Variants in ZNF496 observed in about 807,000 individuals in gnomAD.
ZNF496 encodes zinc finger protein 496, also known as NSD1 (nuclear receptor binding SET-domain containing 1)-interacting zinc finger protein 1.
ZNF496 carries 11 observed loss-of-function variants against 58.9 expected under a neutral mutation model. That is an observed-to-expected ratio of 0.19 (90% CI 0.12 to 0.31). The LOEUF (loss-of-function observed/expected upper bound fraction) is 0.31, where lower values mean the gene tolerates loss of function less well. Among genes scored for constraint, ZNF496 ranks in the 10% least tolerant of loss-of-function variants. The pLI is 1.00. For missense variants in ZNF496, 660 were observed against 783.0 expected, an observed-to-expected ratio of 0.84 and a Z score of 1.88; for synonymous variants, 338 against 318.2, an observed-to-expected ratio of 1.06 and a Z score of -0.66.
At position 247,308,409 on chromosome 1, in the gene ZNF496, C is replaced by T; in HGVS notation, c.1006+66G>A. The T allele has an allele frequency of 7.2e-7, 1 of 1,394,726 alleles. No homozygotes were observed. The highest frequency in any genetic ancestry group is 1.0e-6 in the Non-Finnish European group (1 of 982,486). The allele number at this position is 1,394,726 out of a possible 1,614,324, so 86.4% of individuals were successfully genotyped here. A position where few individuals can be genotyped will look rare whatever the true frequency, so the allele number is the denominator to read the frequency against. Reference sequence around the variant, plus strand: ...CCATCCCCTATGCCACACATGCATACATACATTCATGCGACACACCACAGA... The same window carrying T: ...CCATCCCCTATGCCACACATGCATATATACATTCATGCGACACACCACAGA... On this transcript the variant is annotated intron_variant, in intron 9 of 9. Coordinates refer to ENST00000682384, the MANE Select transcript of ZNF496 (RefSeq NM_032752.3). The surrounding 1 kb of genome is among the most constrained non-coding windows in gnomAD (Gnocchi z 4.5).
intron 5 of ZNF496, among the ~76,000 whole-genome samples, chr1:247,327,354 G>A (rs1156731962): frequency 1.3e-5 from 2 of 152,162 alleles, no homozygotes; most frequent in Non-Finnish European, 2.9e-5. Flanking sequence ...GTGAGCCACC[G>A]CGCCCAACCC....
Position 247,300,244 on chromosome 1 carries a change from G to A in ZNF496, c.*275C>T. The A allele has an allele frequency of 2.9e-6, 1 of 346,232 alleles. No homozygotes were observed. The highest frequency in any genetic ancestry group is 2.1e-5 in the African/African-American group (1 of 48,350). 21.4% of individuals were successfully genotyped at this position (346,232 alleles called of 1,614,324 possible). A position where few individuals can be genotyped will look rare whatever the true frequency, so the allele number is the denominator to read the frequency against. On this transcript the variant is annotated 3_prime_UTR_variant, in exon 10 of 10. Transcript: ENST00000682384. The surrounding 1 kb of genome is among the most constrained non-coding windows in gnomAD (Gnocchi z 5.7). ...GGGAGCATGGGCCAAGGGTCTCTAA[G>A]ACGCAGAACACCTGGCATGTCCAAC...
rs190721546 is a variant in ZNF496 at position 247,316,641 on chromosome 1, A to G, written c.652-6185T>C. Among the ~76,000 whole-genome samples, 4 of 152,262 alleles carry G rather than the reference A, an allele frequency of 2.6e-5. No homozygotes were observed. The East Asian group carries it at 7.7e-4, about 29-fold the overall frequency. On this transcript the variant is annotated intron_variant, in intron 6 of 9. Coordinates refer to ENST00000682384, the MANE Select transcript of ZNF496 (RefSeq NM_032752.3). ...CAGCCTCCATAAATATGAGAAGTCA[A>G]TTATTTTTTTTATAAATTACAGTTT... is the stretch of plus-strand genomic sequence containing the variant.
In ZNF496 at chr1:247,307,101, G is replaced by A. The variant is rs184121555; in HGVS notation, c.1006+1374C>T. 7.8e-4 allele frequency: 765 copies of A among 985,360 alleles called. 5 individuals are homozygous for A. The African/African-American group carries it at 0.012, about 16-fold the overall frequency. The allele number at this position is 985,360 out of a possible 1,614,324, so 61.0% of individuals were successfully genotyped here. ...AGAAAAGATATTCCACCTCAGTGGCGGATGTAGTAGCATTATTTGATTGGC... is the reference window on the plus strand; with the variant it reads ...AGAAAAGATATTCCACCTCAGTGGCAGATGTAGTAGCATTATTTGATTGGC... On this transcript the variant is annotated intron_variant, in intron 9 of 9. Transcript: ENST00000682384.
At chr1:247,321,736 C>T (rs566689275) in intron 6 of ZNF496, among the ~76,000 whole-genome samples, 2 of 152,334 alleles carry the variant, frequency 1.3e-5, no homozygotes, top group African/African-American at 4.8e-5. Flanking sequence ...TCATTAGGTA[C>T]TGGATTAACA....
chr1:247,307,401 A>G (rs4925618), intron 9 of ZNF496: 117,681 of 985,356 alleles, frequency 0.12, 7,415 homozygotes, highest in Middle Eastern at 0.14. Context: ...ATGAACATCC[A>G]TCCATCTTCT....
intron 5 of ZNF496, among the ~76,000 whole-genome samples, chr1:247,324,685 T>C (rs1387867648): frequency 6.6e-6 from 1 of 152,176 alleles, no homozygotes; most frequent in African/African-American, 2.4e-5. Flanking sequence ...CATTTCACAA[T>C]GTGTATAGAT....
rs1659526780 is a variant in ZNF496 at position 247,309,611 on chromosome 1, C to A, written c.892+88G>T. On this transcript the variant is annotated intron_variant, in intron 8 of 9. Transcript: ENST00000682384. The surrounding 1 kb of genome is among the most constrained non-coding windows in gnomAD (Gnocchi z 4.3). ...AAATGAAGAAGGCAATTAGGGGCCGCAGAGAGAAGCCAGAGAGTGGGCTCA... is the reference window on the plus strand; with the variant it reads ...AAATGAAGAAGGCAATTAGGGGCCGAAGAGAGAAGCCAGAGAGTGGGCTCA... 6.4e-7 allele frequency: 1 copy of A among 1,556,568 alleles called. No homozygotes were observed. Among genetic ancestry groups the A allele is most frequent in the Non-Finnish European group, 8.7e-7 (1 of 1,150,226 alleles).
chr1:247,308,112 A>G lies in ZNF496; in HGVS notation c.1006+363T>C. On this transcript the variant is annotated intron_variant, in intron 9 of 9. Transcript: ENST00000682384. This position sits in a 1 kb window ranked among gnomAD's most constrained non-coding sequence, Gnocchi z 4.5. ...ACACACCCTCCCCGGCCCCTGGGAA[A>G]GGCAAGGAGGGTGAGCCTGGGATTG... is the stretch of plus-strand genomic sequence containing the variant. The G allele has an allele frequency of 1.3e-6, 1 of 761,616 alleles. No homozygotes were observed. Among genetic ancestry groups the G allele is most frequent in the African/African-American group, 1.9e-5 (1 of 53,002 alleles). 47.2% of individuals were successfully genotyped at this position (761,616 alleles called of 1,614,324 possible).
chr1:247,303,580 G>A (rs1659315136), intron 9 of ZNF496, among the ~76,000 whole-genome samples: 1 of 152,180 alleles, frequency 6.6e-6, no homozygotes, highest in Non-Finnish European at 1.5e-5. Context: ...CAATTATAAA[G>A]TGGCAAAGAA....
intron 5 of ZNF496, among the ~76,000 whole-genome samples, chr1:247,327,550 T>C (rs1660170903): frequency 6.6e-6 from 1 of 152,230 alleles, no homozygotes; most frequent in Non-Finnish European, 1.5e-5. Context: ...TGGTACTTTG[T>C]TATGGCAGCC....
At chr1:247,325,150 C>T (rs1202152671) in intron 5 of ZNF496, among the ~76,000 whole-genome samples, 1 of 152,196 alleles carries the variant, frequency 6.6e-6, no homozygotes, top group Non-Finnish European at 1.5e-5. Context: ...ACAAAGCCTG[C>T]AGGAAACAGC....
At position 247,309,939 on chromosome 1, in the gene ZNF496, C is replaced by A; in HGVS notation, c.785-133G>T. ...CCATCAGGGGCGAGAAGTGAAAAGG[C>A]CAGAGCTGGCAGTGCAGGGGCAGTG... is the stretch of plus-strand genomic sequence containing the variant. On this transcript the variant is annotated intron_variant, in intron 7 of 9. Transcript: ENST00000682384. This position sits in a 1 kb window ranked among gnomAD's most constrained non-coding sequence, Gnocchi z 4.3. 7.5e-7 allele frequency: 1 copy of A among 1,339,470 alleles called. No homozygotes were observed. The highest frequency in any genetic ancestry group is 1.5e-5 in the South Asian group (1 of 68,244). The allele number at this position is 1,339,470 out of a possible 1,614,324, so 83.0% of individuals were successfully genotyped here.
At position 247,308,711 on chromosome 1, in the gene ZNF496, CT is replaced by C; in HGVS notation, c.893-124del. The C allele has an allele frequency of 1.1e-6, 1 of 896,966 alleles. No homozygotes were observed. The highest frequency in any genetic ancestry group is 1.6e-5 in the South Asian group (1 of 62,516). The allele number at this position is 896,966 out of a possible 1,614,324, so 55.6% of individuals were successfully genotyped here. Reference sequence around the variant, plus strand: ...GCGGCCCTGGGCTCCGTCCTGGGGACTGGCAGGGGGTGGCCACTCAATAAGT... The same window carrying C: ...GCGGCCCTGGGCTCCGTCCTGGGGACGGCAGGGGGTGGCCACTCAATAAGT... On this transcript the variant is annotated intron_variant, in intron 8 of 9. Transcript: ENST00000682384. This position sits in a 1 kb window ranked among gnomAD's most constrained non-coding sequence, Gnocchi z 4.5.
At chr1:247,320,262 T>A (rs761250460) in intron 6 of ZNF496, among the ~76,000 whole-genome samples, 1 of 152,190 alleles carries the variant, frequency 6.6e-6, no homozygotes, top group Non-Finnish European at 1.5e-5. Context: ...AAACGAACTG[T>A]TGGACTTCCA....
chr1:247,327,910 G>T (rs1293470149), intron 5 of ZNF496, among the ~76,000 whole-genome samples: 1 of 152,074 alleles, frequency 6.6e-6, no homozygotes, highest in African/African-American at 2.4e-5. Flanking sequence ...TCAACCCAAG[G>T]GCGCTGGTTT....
rs1164958195 is a variant in ZNF496 at position 247,298,291 on chromosome 1, G to A, written c.*2228C>T. The A allele has an allele frequency of 6.6e-6, 1 of 152,180 alleles. No individual in the cohort carries two copies. Among genetic ancestry groups the A allele is most frequent in the Non-Finnish European group, 1.5e-5 (1 of 68,026 alleles). The allele number at this position is 152,180 out of a possible 1,614,324, so 9.4% of individuals were successfully genotyped here. A position where few individuals can be genotyped will look rare whatever the true frequency, so the allele number is the denominator to read the frequency against. ...GCATCTACACAGAAACAGCAGTTGT[G>A]GTTATAAAATCTTTTAACGAGTTTG... On this transcript the variant is annotated 3_prime_UTR_variant, in exon 10 of 10. Transcript: ENST00000682384.
intron 6 of ZNF496, among the ~76,000 whole-genome samples, chr1:247,321,737 T>C (rs994753129): frequency 6.6e-6 from 1 of 152,254 alleles, no homozygotes; most frequent in African/African-American, 2.4e-5. Flanking sequence ...CATTAGGTAC[T>C]GGATTAACAG....
intron 6 of ZNF496, 77 bp from the exon 7 acceptor site, chr1:247,310,533 A>T: frequency 6.4e-7 from 1 of 1,573,152 alleles, no homozygotes; most frequent in Non-Finnish European, 8.7e-7. Context: ...TGAGGCTGTG[A>T]CAACACAACG....
Sources: allele counts gnomAD v4.1 joint callset (sites outside exome capture counted in the v4.1 genomes callset), GRCh38; gene constraint gnomAD v4.1.1; non-coding constraint Gnocchi (gnomAD v3.1); transcripts MANE v1.5; gene names NCBI Gene and HGNC (gene_info 2026-07-23, HGNC 2026-07-21).